Variants in TPST1 observed in about 807,000 individuals in gnomAD.
The protein encoded by TPST1 is tyrosylprotein sulfotransferase 1, also known as protein-tyrosine sulfotransferase 1.
Under a neutral mutation model 34.8 loss-of-function variants are expected in TPST1, and 20 were observed. The ratio of observed to expected loss-of-function variants is 0.57; its 90% CI spans 0.40 to 0.84. The LOEUF (loss-of-function observed/expected upper bound fraction) is 0.84, where lower values mean the gene tolerates loss of function less well. Among genes scored for constraint, TPST1 ranks in the 40% least tolerant of loss-of-function variants. TPST1 has a pLI of 0.00. For missense variants in TPST1, 353 were observed against 455.5 expected, an observed-to-expected ratio of 0.78 and a Z score of 2.05; for synonymous variants, 152 against 159.4, an observed-to-expected ratio of 0.95 and a Z score of 0.35.
chr7:66,353,635 A>G (rs1792524660), intron 4 of TPST1, among the ~76,000 whole-genome samples: 2 of 152,216 alleles, frequency 1.3e-5, no homozygotes, highest in South Asian at 4.1e-4. Flanking sequence ...TCATGCCCAT[A>G]TGGAAGTCAG....
At chr7:66,286,844 TTTTA>T in intron 3 of TPST1, 135 bp downstream of exon 3, 1 of 449,078 alleles carries the variant, frequency 2.2e-6, no homozygotes. Flanking sequence ...TTTATTTTTA[TTTTA>T]TTTTATTTTA....
chr7:66,335,072 G>T (rs1792069871), intron 3 of TPST1, among the ~76,000 whole-genome samples: 1 of 152,176 alleles, frequency 6.6e-6, no homozygotes, highest in South Asian at 2.1e-4. Context: ...TGCCACTGGG[G>T]TGTAATCAGT....
chr7:66,213,213 G>A (rs868118963), intron 1 of TPST1, among the ~76,000 whole-genome samples: 12 of 152,208 alleles, frequency 7.9e-5, no homozygotes, highest in Middle Eastern at 3.4e-3. Context: ...CTCACAGGAC[G>A]TAAGGCACTA....
intron 2 of TPST1, among the ~76,000 whole-genome samples, chr7:66,242,972 A>G (rs1454400330): frequency 6.6e-6 from 1 of 152,216 alleles, no homozygotes; most frequent in East Asian, 1.9e-4. Context: ...ACATGTCACA[A>G]TCATGAGTAG....
chr7:66,210,236 T>C (rs1367359165), intron 1 of TPST1, among the ~76,000 whole-genome samples: 1 of 152,080 alleles, frequency 6.6e-6, no homozygotes, highest in Admixed American at 6.5e-5. Context: ...TGGGTAATGG[T>C]GGTTCTGTTC....
intron 2 of TPST1, among the ~76,000 whole-genome samples, chr7:66,275,055 G>A (rs565015287): frequency 1.3e-5 from 2 of 152,198 alleles, no homozygotes; most frequent in South Asian, 4.2e-4. Flanking sequence ...TTAGCCAGGT[G>A]TGGTGGCGGG....
rs1270319533 is a variant in TPST1, at chr7:66,267,545, C to G, written c.846-18966C>G. ...AATAAAACAACCAGAGACAAAACCA[C>G]AGCAGAACTGCTTTCATCCCCAAAT... On this transcript the variant is annotated intron_variant, in intron 2 of 5. Transcript: ENST00000304842. 2.6e-5 allele frequency among the ~76,000 whole-genome samples: 4 copies of G among 152,050 alleles called. 1 individual carries two copies. The highest frequency in any genetic ancestry group is 9.7e-5 in the African/African-American group (4 of 41,384).
chr7:66,210,091 T>C (rs1789212373), intron 1 of TPST1, among the ~76,000 whole-genome samples: 1 of 152,072 alleles, frequency 6.6e-6, no homozygotes, highest in Admixed American at 6.6e-5. Flanking sequence ...AGGTGAAAGA[T>C]AATGAGGCCA....
chr7:66,278,438 G>A (rs954833183), intron 2 of TPST1, among the ~76,000 whole-genome samples: 1 of 152,106 alleles, frequency 6.6e-6, no homozygotes, highest in Non-Finnish European at 1.5e-5. Context: ...AGACTTCTGA[G>A]TGAAGATACT....
intron 1 of TPST1, among the ~76,000 whole-genome samples, chr7:66,236,408 A>G (rs1010614042): frequency 6.6e-5 from 10 of 152,098 alleles, no homozygotes; most frequent in Non-Finnish European, 8.8e-5. Flanking sequence ...TCATATATAT[A>G]TGTATATACA....
intron 3 of TPST1, among the ~76,000 whole-genome samples, chr7:66,348,806 C>T (rs575739797): frequency 6.6e-6 from 1 of 152,142 alleles, no homozygotes; most frequent in South Asian, 2.1e-4. Context: ...GGCATTTGTT[C>T]CCTGGAGGAT....
chr7:66,353,148 C>T (rs1341999516), intron 4 of TPST1, among the ~76,000 whole-genome samples: 1 of 152,138 alleles, frequency 6.6e-6, no homozygotes, highest in Non-Finnish European at 1.5e-5. Context: ...AACCTCATCT[C>T]TACTGAAAAT....
At chr7:66,342,812 C>T (rs62468700) in intron 3 of TPST1, among the ~76,000 whole-genome samples, 5,495 of 152,240 alleles carry the variant, frequency 0.036, 156 homozygotes, top group East Asian at 0.079. Context: ...CTCACAAGTG[C>T]AGGGACAACA....
intron 4 of TPST1, 87 bp from the exon 5 acceptor site, chr7:66,356,738 G>A: frequency 1.3e-6 from 2 of 1,490,554 alleles, no homozygotes; most frequent in Non-Finnish European, 1.9e-6. Context: ...GAGCCTGCGG[G>A]CCACCCCTCA....
intron 4 of TPST1, 46 bp from the exon 5 acceptor site, chr7:66,356,779 T>C: frequency 6.2e-7 from 1 of 1,613,898 alleles, no homozygotes; most frequent in South Asian, 1.1e-5. Flanking sequence ...CTTCTCATGC[T>C]GACCAACTTC....
At chr7:66,258,006 C>T (rs536693729) in intron 2 of TPST1, among the ~76,000 whole-genome samples, 3 of 152,250 alleles carry the variant, frequency 2.0e-5, no homozygotes, top group South Asian at 4.1e-4. Flanking sequence ...CTGGAAAAAA[C>T]CCAACTTGGT....
At chr7:66,230,788 C>T (rs1196942912) in intron 1 of TPST1, among the ~76,000 whole-genome samples, 1 of 152,122 alleles carries the variant, frequency 6.6e-6, no homozygotes. Flanking sequence ...TTCTTTTATC[C>T]GGCCCCACCC....
At chr7:66,258,372 C>T (rs951833119) in intron 2 of TPST1, among the ~76,000 whole-genome samples, 1 of 152,198 alleles carries the variant, frequency 6.6e-6, no homozygotes, top group Admixed American at 6.5e-5. Flanking sequence ...ATAGTATTTC[C>T]AGTATCAGTT....
chr7:66,320,239 CTTTTTCTTTTTTTT>C (rs1486653543), intron 3 of TPST1, among the ~76,000 whole-genome samples: 10 of 143,648 alleles, frequency 7.0e-5, no homozygotes, highest in African/African-American at 1.8e-4. Context: ...TTCTTTTTTT[CTTTTTCTTTTTTTT>C]TTTTTTTTTT....
Sources: gnomAD v4.1 joint callset for allele counts (sites outside exome capture counted in the v4.1 genomes callset) on GRCh38, gnomAD v4.1.1 for gene constraint, MANE v1.5 for transcripts, NCBI Gene and HGNC (gene_info 2026-07-23, HGNC 2026-07-21) for gene names.